The following TTC7A variants were observed in gnomAD, a reference collection of about 807,000 sequenced individuals.
TTC7A encodes the protein tetratricopeptide repeat domain 7A.
Under a neutral mutation model 103.7 loss-of-function variants are expected in TTC7A, and 110 were observed. The ratio of observed to expected loss-of-function variants is 1.06; its 90% CI spans 0.91 to 1.24. The LOEUF (loss-of-function observed/expected upper bound fraction) is 1.24. Ranked by LOEUF, TTC7A falls within the 50% of genes most tolerant of loss-of-function variation. The pLI is 0.00. For synonymous variants in TTC7A, 521 were observed against 467.9 expected, an observed-to-expected ratio of 1.11 and a Z score of -1.47; for missense variants, 1,340 against 1,116.3, an observed-to-expected ratio of 1.20 and a Z score of -2.86.
chr2:47,046,189 C>G (rs1172504538), intron 15 of TTC7A, 126 bp from the exon 16 acceptor site: 6 of 732,250 alleles, frequency 8.2e-6, no homozygotes, highest in Non-Finnish European at 1.4e-5. Context: ...GGCTGCTGCC[C>G]TCATGGCACT....
At chr2:46,966,085 G>T (rs1320935680) in intron 3 of TTC7A, among the ~76,000 whole-genome samples, 1 of 151,914 alleles carries the variant, frequency 6.6e-6, no homozygotes, top group East Asian at 1.9e-4. Flanking sequence ...GAGTAGCTGG[G>T]TTTACAGGCA....
At chr2:46,956,127 C>T (rs1341226233) in intron 2 of TTC7A, among the ~76,000 whole-genome samples, 1 of 152,184 alleles carries the variant, frequency 6.6e-6, no homozygotes, top group Non-Finnish European at 1.5e-5. Context: ...CACTGCAGGC[C>T]CTAAGGGAGG....
At chr2:46,965,420 C>G (rs1399667264) in intron 3 of TTC7A, among the ~76,000 whole-genome samples, 2 of 152,182 alleles carry the variant, frequency 1.3e-5, no homozygotes, top group Non-Finnish European at 2.9e-5. Context: ...TGTCTTGGCC[C>G]CAGGTGAGAG....
rs542057521 is a variant in TTC7A at position 46,941,866 on chromosome 2, G to A, written c.184+141G>A. Reference sequence around the variant, plus strand: ...GCTAGTCTTAAGAGCAGCCAGGGCAGTTAGGAAGGTCCTTCTGCCGCGAGA... The same window carrying A: ...GCTAGTCTTAAGAGCAGCCAGGGCAATTAGGAAGGTCCTTCTGCCGCGAGA... On this transcript the variant is annotated intron_variant, in intron 1 of 19. Coordinates refer to ENST00000319190, the MANE Select transcript of TTC7A (RefSeq NM_020458.4). The surrounding 1 kb of genome is among the most constrained non-coding windows in gnomAD (Gnocchi z 4.2). The A allele has an allele frequency of 5.8e-4, 607 of 1,050,464 alleles. No individual in the cohort carries two copies. The highest frequency in any genetic ancestry group is 7.8e-4 in the Non-Finnish European group (571 of 729,528). The allele number at this position is 1,050,464 out of a possible 1,614,324, so 65.1% of individuals were successfully genotyped here. A position where few individuals can be genotyped will look rare whatever the true frequency, so the allele number is the denominator to read the frequency against.
intron 3 of TTC7A, among the ~76,000 whole-genome samples, chr2:46,966,824 A>G (rs565894308): frequency 1.3e-5 from 2 of 151,206 alleles, no homozygotes; most frequent in Admixed American, 1.3e-4. Flanking sequence ...AAATTCCTAG[A>G]AAGTAGAATT....
In TTC7A at chr2:46,978,903, A is replaced by T; in HGVS notation, c.760A>T (p.Lys254Ter). The change falls in exon 5 of 20, where the codon AAG (lysine) becomes TAG (stop). Residue 254 changes from lysine to a stop codon, truncating the protein, a stop_gained. Transcript: ENST00000319190. LOFTEE classifies it high-confidence loss of function. ...LQSAYVKNLK[K>*]GNIVKGMREL... ...GAGCGCCTATGTGAAAAACCTGAAGAAGGGGTAGGTCACTGGTAGTTGAGT... is the reference window on the plus strand; with the variant it reads ...GAGCGCCTATGTGAAAAACCTGAAGTAGGGGTAGGTCACTGGTAGTTGAGT... The T allele has an allele frequency of 6.2e-7, 1 of 1,611,806 alleles. No individual in the cohort carries two copies. The highest frequency in any genetic ancestry group is 8.5e-7 in the Non-Finnish European group (1 of 1,178,008).
At chr2:47,072,639 C>A (rs1044022997) in intron 19 of TTC7A, among the ~76,000 whole-genome samples, 12 of 152,224 alleles carry the variant, frequency 7.9e-5, no homozygotes, top group Non-Finnish European at 1.3e-4. Flanking sequence ...AGGCAGCTCC[C>A]CACCCCCACT....
At chr2:46,961,991 C>G (rs1020675401) in intron 3 of TTC7A, among the ~76,000 whole-genome samples, 1 of 152,208 alleles carries the variant, frequency 6.6e-6, no homozygotes, top group Non-Finnish European at 1.5e-5. Context: ...ACTCCCTTGG[C>G]AGAACCCTCT....
intron 1 of TTC7A, among the ~76,000 whole-genome samples, chr2:46,944,374 G>GTTTTTTTTTTT (rs34191565): frequency 2.2e-5 from 2 of 88,940 alleles, no homozygotes; most frequent in Non-Finnish European, 4.0e-5. Flanking sequence ...GGTATTTTGG[G>GTTTTTTTTTTT]TTTTTTTTTT....
At chr2:46,950,268 G>C (rs1572698764) in intron 1 of TTC7A, 95 bp from the exon 2 acceptor site, 29 of 1,312,208 alleles carry the variant, frequency 2.2e-5, no homozygotes, top group Non-Finnish European at 3.1e-5. Flanking sequence ...TCATGTACTG[G>C]GTATGGGTGG....
At position 47,058,713 on chromosome 2, in the gene TTC7A, T is replaced by G. The variant is rs150031101; in HGVS notation, c.2153-2056T>G. Among the ~76,000 whole-genome samples, 639 of 152,322 alleles carry G rather than the reference T, an allele frequency of 4.2e-3. 7 individuals are homozygous for G. Among genetic ancestry groups the G allele is most frequent in the African/African-American group, 0.015 (611 of 41,578 alleles). ...TGGGCAGCCAAGCCTGGGGGCTGCT[T>G]TGGACAAAGGCTGAGTGCCCAGTGA... On this transcript the variant is annotated intron_variant, in intron 18 of 19. Transcript: ENST00000319190.
intron 4 of TTC7A, among the ~76,000 whole-genome samples, chr2:46,978,496 G>C (rs200332014): frequency 1.8e-4 from 27 of 148,954 alleles, no homozygotes; most frequent in Non-Finnish European, 2.8e-4. Flanking sequence ...GGAGGCTGAG[G>C]TGGGAGGATT....
chr2:47,044,891 T>C (rs1468556242), intron 15 of TTC7A, among the ~76,000 whole-genome samples: 1 of 152,076 alleles, frequency 6.6e-6, no homozygotes, highest in African/African-American at 2.4e-5. Context: ...GGAGCCCAGG[T>C]CTTAGGGCAG....
chr2:46,991,991 T>C (rs1291298418), intron 5 of TTC7A, among the ~76,000 whole-genome samples: 14 of 152,232 alleles, frequency 9.2e-5, no homozygotes. Flanking sequence ...TGTCCTTTCA[T>C]GGCTCCCAGG....
chr2:47,047,225 C>T, intron 16 of TTC7A: 1 of 1,273,344 alleles, frequency 7.9e-7, no homozygotes. Flanking sequence ...TCCCTGAGGC[C>T]TCAGGGGACC....
intron 15 of TTC7A, chr2:47,034,025 G>C (rs1265103222): frequency 6.6e-6 from 1 of 152,252 alleles, no homozygotes; most frequent in Non-Finnish European, 1.5e-5. Flanking sequence ...TCTGAATTCA[G>C]GGGTTAGAAA....
At chr2:47,025,659 C>T (rs1226273468) in intron 14 of TTC7A, among the ~76,000 whole-genome samples, 1 of 152,186 alleles carries the variant, frequency 6.6e-6, no homozygotes, top group African/African-American at 2.4e-5. Flanking sequence ...TCTCCAGGTT[C>T]TTCTGTCTCA....
chr2:47,030,855 A>T (rs561324558), intron 15 of TTC7A, among the ~76,000 whole-genome samples: 2 of 152,142 alleles, frequency 1.3e-5, no homozygotes, highest in African/African-American at 4.8e-5. Context: ...CATTCAAGAG[A>T]CTACTAAAGG....
At chr2:47,026,187 G>A (rs1001370502) in intron 14 of TTC7A, among the ~76,000 whole-genome samples, 7 of 152,138 alleles carry the variant, frequency 4.6e-5, no homozygotes, top group African/African-American at 1.7e-4. Context: ...GGTCTCTGAG[G>A]CCCCCAGCCA....
Sources: gnomAD v4.1 joint callset for allele counts (sites outside exome capture counted in the v4.1 genomes callset) on GRCh38, gnomAD v4.1.1 for gene constraint, Gnocchi (gnomAD v3.1) non-coding constraint, MANE v1.5 for transcripts, NCBI Gene and HGNC (gene_info 2026-07-23, HGNC 2026-07-21) for gene names.